Variants in CENPP observed in about 807,000 individuals in gnomAD.
CENPP encodes centromere protein P.
A neutral mutation model predicts 35.6 loss-of-function variants in CENPP; 24 were observed. The ratio of observed to expected loss-of-function variants is 0.67; its 90% CI spans 0.49 to 0.95. The LOEUF (loss-of-function observed/expected upper bound fraction) is 0.95, where lower values mean the gene tolerates loss of function less well. CENPP is among the 40% of genes least tolerant of loss of function. CENPP has a pLI of 0.00. For synonymous variants in CENPP, 120 were observed against 125.5 expected, an observed-to-expected ratio of 0.96 and a Z score of 0.29; for missense variants, 332 against 345.3, an observed-to-expected ratio of 0.96 and a Z score of 0.31.
chr9:92,346,770 G>A (rs1325113087), intron 4 of CENPP, among the ~76,000 whole-genome samples: 1 of 152,202 alleles, frequency 6.6e-6, no homozygotes, highest in African/African-American at 2.4e-5. Context: ...TACTTAGCTA[G>A]ATGGATTTGG....
At chr9:92,478,708 C>T (rs1182240821) in intron 5 of CENPP, among the ~76,000 whole-genome samples, 1 of 152,184 alleles carries the variant, frequency 6.6e-6, no homozygotes, top group African/African-American at 2.4e-5. Flanking sequence ...CCATCTCGGC[C>T]TCCCAAAGTG....
chr9:92,566,360 A>C (rs1443407532), intron 5 of CENPP, among the ~76,000 whole-genome samples: 3 of 152,054 alleles, frequency 2.0e-5, no homozygotes, highest in Non-Finnish European at 2.9e-5. Context: ...TAGCCTTTCA[A>C]AGGAAAAAAA....
At chr9:92,590,361 A>G (rs138004636) in intron 5 of CENPP, among the ~76,000 whole-genome samples, 6 of 152,376 alleles carry the variant, frequency 3.9e-5, no homozygotes, top group African/African-American at 1.4e-4. Flanking sequence ...TCCTCTTTCT[A>G]TTACAAATGT....
intron 5 of CENPP, among the ~76,000 whole-genome samples, chr9:92,395,508 T>A (rs1842859123): frequency 6.6e-6 from 1 of 152,212 alleles, no homozygotes; most frequent in Admixed American, 6.5e-5. Flanking sequence ...ATGCTTTCAT[T>A]TCTCTTGGGT....
chr9:92,452,172 G>C (rs1394410166), intron 5 of CENPP, among the ~76,000 whole-genome samples: 1 of 151,434 alleles, frequency 6.6e-6, no homozygotes, highest in African/African-American at 2.4e-5. Flanking sequence ...TCCCTGTCTT[G>C]TGCCACTTTT....
intron 5 of CENPP, among the ~76,000 whole-genome samples, chr9:92,496,904 C>T (rs533766599): frequency 1.3e-5 from 2 of 150,566 alleles, no homozygotes; most frequent in East Asian, 1.9e-4. Flanking sequence ...TAAATTGAAA[C>T]TTTACTGGCA....
At chr9:92,453,278 C>T (rs896218351) in intron 5 of CENPP, among the ~76,000 whole-genome samples, 9 of 152,116 alleles carry the variant, frequency 5.9e-5, no homozygotes, top group African/African-American at 1.9e-4. Context: ...TGAATGTGTC[C>T]CAGGGATTCT....
rs141226488 is a variant in CENPP at position 92,356,461 on chromosome 9, G to C, written c.467+10674G>C. 9.7e-3 allele frequency among the ~76,000 whole-genome samples: 1,481 copies of C among 152,258 alleles called. 22 individuals are homozygous for C. Among genetic ancestry groups the C allele is most frequent in the African/African-American group, 0.031 (1,302 of 41,542 alleles). Reference sequence around the variant, plus strand: ...ATTCTGTTCTTTTTCAAGGTGCACTGATTTCATATTGTTCAAACACACATG... The same window carrying C: ...ATTCTGTTCTTTTTCAAGGTGCACTCATTTCATATTGTTCAAACACACATG... On this transcript the variant is annotated intron_variant, in intron 4 of 7. Coordinates refer to ENST00000375587, the MANE Select transcript of CENPP (RefSeq NM_001012267.3).
chr9:92,392,016 T>C (rs1842707718), intron 5 of CENPP, among the ~76,000 whole-genome samples: 1 of 151,976 alleles, frequency 6.6e-6, no homozygotes, highest in Non-Finnish European at 1.5e-5. Flanking sequence ...CATTTCTCGG[T>C]GTGATTTTTT....
intron 5 of CENPP, among the ~76,000 whole-genome samples, chr9:92,534,594 T>G (rs1272520995): frequency 1.3e-5 from 2 of 152,204 alleles, no homozygotes; most frequent in Admixed American, 6.5e-5. Context: ...CTACTTTAGT[T>G]TTAGAAAAAT....
rs1851574239 is a variant in CENPP at position 92,619,940 on chromosome 9, G to A, written c.*6791G>A. On this transcript the variant is annotated 3_prime_UTR_variant, in exon 8 of 8. Coordinates refer to ENST00000375587, the MANE Select transcript of CENPP (RefSeq NM_001012267.3). ...ATGTTGGCCACACTCAGAGTATCAA[G>A]TGAGTATCACTCGACACCTGCAAGG... is the stretch of plus-strand genomic sequence containing the variant. 1 of 278,444 alleles carries A rather than the reference G, an allele frequency of 3.6e-6. No homozygotes were observed. The highest frequency in any genetic ancestry group is 2.1e-5 in the African/African-American group (1 of 47,150). The allele number at this position is 278,444 out of a possible 1,614,324, so 17.2% of individuals were successfully genotyped here. A position where few individuals can be genotyped will look rare whatever the true frequency, so the allele number is the denominator to read the frequency against.
At chr9:92,353,821 C>A (rs1841525128) in intron 4 of CENPP, among the ~76,000 whole-genome samples, 1 of 152,110 alleles carries the variant, frequency 6.6e-6, no homozygotes, top group Non-Finnish European at 1.5e-5. Flanking sequence ...AACTTCCACC[C>A]CTTGATTCCT....
intron 5 of CENPP, among the ~76,000 whole-genome samples, chr9:92,541,744 C>T (rs1489619916): frequency 1.3e-5 from 2 of 152,058 alleles, no homozygotes; most frequent in African/African-American, 2.4e-5. Context: ...GTGAATAATG[C>T]TGCAGTAAAC....
At chr9:92,496,329 G>A in intron 5 of CENPP, 2 of 1,581,124 alleles carry the variant, frequency 1.3e-6, no homozygotes, top group African/African-American at 1.4e-5. Context: ...TTGATGTTTT[G>A]TGGTTTAAGA....
At chr9:92,510,181 T>G in intron 5 of CENPP, 4 of 747,756 alleles carry the variant, frequency 5.3e-6, no homozygotes, top group South Asian at 2.7e-5. Context: ...AAACCCCTTA[T>G]TCCCCCTGCC....
At chr9:92,390,095 A>C in intron 5 of CENPP, 3 of 1,210,118 alleles carry the variant, frequency 2.5e-6, no homozygotes, top group Non-Finnish European at 3.6e-6. Flanking sequence ...TACGTAAGTA[A>C]AATTCTTATT....
intron 5 of CENPP, among the ~76,000 whole-genome samples, chr9:92,486,369 T>C (rs1044515718): frequency 6.6e-6 from 1 of 152,246 alleles, no homozygotes; most frequent in African/African-American, 2.4e-5. Context: ...GAACTTATTT[T>C]ATACTGTAGG....
chr9:92,514,301 G>C (rs1391407935), intron 5 of CENPP, among the ~76,000 whole-genome samples: 1 of 146,414 alleles, frequency 6.8e-6, no homozygotes, highest in Middle Eastern at 3.6e-3. Context: ...TTGAGATGGA[G>C]TCTCGCTCAA....
intron 5 of CENPP, among the ~76,000 whole-genome samples, chr9:92,518,124 C>T (rs759319179): frequency 5.9e-5 from 9 of 152,140 alleles, no homozygotes; most frequent in African/African-American, 9.7e-5. Flanking sequence ...GGCTGAACTG[C>T]GCTTCCATTT....
Sources: allele counts gnomAD v4.1 joint callset (sites outside exome capture counted in the v4.1 genomes callset), GRCh38; gene constraint gnomAD v4.1.1; transcripts MANE v1.5; gene names NCBI Gene and HGNC (gene_info 2026-07-23, HGNC 2026-07-21).